The following DIAPH2 variants were observed in gnomAD, a reference collection of about 807,000 sequenced individuals.
The protein encoded by DIAPH2 is protein diaphanous homolog 2.
In DIAPH2, 35 loss-of-function variants were observed where a neutral mutation model predicts 92.7. The ratio of observed to expected loss-of-function variants is 0.38; its 90% CI spans 0.29 to 0.50. The LOEUF (loss-of-function observed/expected upper bound fraction) is 0.50. DIAPH2 is among the 20% of genes least tolerant of loss of function. DIAPH2 has a pLI of 0.94. For missense variants in DIAPH2, 701 were observed against 819.5 expected, an observed-to-expected ratio of 0.86 and a Z score of 1.77; for synonymous variants, 301 against 280.4, an observed-to-expected ratio of 1.07 and a Z score of -0.73.
At chrX:97,370,065 T>C (rs2069430764) in intron 24 of DIAPH2, among the ~76,000 whole-genome samples, 1 of 111,813 alleles carries the variant, frequency 8.9e-6, no homozygotes, top group Non-Finnish European at 1.9e-5. Flanking sequence ...GGCTTGTTTG[T>C]GATGCTTATT....
intron 23 of DIAPH2, among the ~76,000 whole-genome samples, chrX:97,291,383 A>T (rs2068589241): frequency 9.0e-6 from 1 of 111,268 alleles, no homozygotes; most frequent in South Asian, 3.9e-4. Context: ...GGGCAACAAG[A>T]GCAAAAACTC....
intron 26 of DIAPH2, among the ~76,000 whole-genome samples, chrX:97,493,448 A>G (rs1018942312): frequency 2.7e-5 from 3 of 110,148 alleles, no homozygotes; most frequent in African/African-American, 9.9e-5. Flanking sequence ...TTTAGTAGAG[A>G]CGGGGTTTCT....
At chrX:97,537,240 A>G (rs976636577) in intron 26 of DIAPH2, among the ~76,000 whole-genome samples, 2 of 111,840 alleles carry the variant, frequency 1.8e-5, no homozygotes, top group African/African-American at 6.5e-5. Flanking sequence ...CAAGTAGCCC[A>G]GTGCAACTAG....
At chrX:97,359,995 TGG>T (rs1457401186) in intron 24 of DIAPH2, among the ~76,000 whole-genome samples, 1 of 111,910 alleles carries the variant, frequency 8.9e-6, no homozygotes, top group Non-Finnish European at 1.9e-5. Context: ...CATGGGGTAT[TGG>T]GCAAACCAGA....
intron 23 of DIAPH2, among the ~76,000 whole-genome samples, chrX:97,315,892 CTG>C (rs948646992): frequency 2.9e-4 from 32 of 111,585 alleles, no homozygotes; most frequent in African/African-American, 7.8e-4. Flanking sequence ...GATTGGAAAA[CTG>C]TGAGTTCTAT....
At chrX:97,295,237 C>G (rs1287331592) in intron 23 of DIAPH2, among the ~76,000 whole-genome samples, 1 of 111,739 alleles carries the variant, frequency 8.9e-6, no homozygotes, top group Non-Finnish European at 1.9e-5. Flanking sequence ...ATCATTTTTA[C>G]CATTTGTTTA....
intron 23 of DIAPH2, among the ~76,000 whole-genome samples, chrX:97,269,311 T>G (rs149560653): frequency 0.016 from 1,758 of 111,744 alleles, 44 homozygotes; most frequent in African/African-American, 0.054. Context: ...AAAAGTGTCA[T>G]AGCTGACAGG....
At chrX:97,005,071 T>C (rs763237627) in intron 17 of DIAPH2, among the ~76,000 whole-genome samples, 1 of 112,158 alleles carries the variant, frequency 8.9e-6, no homozygotes, top group African/African-American at 3.2e-5. Flanking sequence ...AAGGCTTTTA[T>C]CCTTTATTCT....
At chrX:97,381,020 T>C (rs1164257800) in intron 24 of DIAPH2, among the ~76,000 whole-genome samples, 1 of 111,735 alleles carries the variant, frequency 8.9e-6, no homozygotes, top group East Asian at 2.8e-4. Context: ...GTTTTATCCT[T>C]TAGTAGATCT....
chrX:97,459,802 T>C (rs2070443156), intron 26 of DIAPH2, among the ~76,000 whole-genome samples: 1 of 111,742 alleles, frequency 8.9e-6, no homozygotes, highest in South Asian at 3.7e-4. Flanking sequence ...AGCATGATGG[T>C]TAAGAGCACA....
At chrX:96,835,279 C>T (rs1218325915) in intron 4 of DIAPH2, among the ~76,000 whole-genome samples, 1 of 111,804 alleles carries the variant, frequency 8.9e-6, no homozygotes, top group Non-Finnish European at 1.9e-5. Context: ...TCACATTAAT[C>T]GAATACTTAT....
At chrX:97,490,200 G>T (rs1040536944) in intron 26 of DIAPH2, among the ~76,000 whole-genome samples, 3 of 109,693 alleles carry the variant, frequency 2.7e-5, no homozygotes, top group Non-Finnish European at 5.7e-5. Flanking sequence ...ATTTGTTGGT[G>T]TATAATTCTT....
intron 1 of DIAPH2, among the ~76,000 whole-genome samples, chrX:96,692,499 C>T (rs1169321776): frequency 8.9e-6 from 1 of 111,954 alleles, no homozygotes; most frequent in Non-Finnish European, 1.9e-5. Flanking sequence ...TTCAGAGTTA[C>T]TCCACATAAA....
At chrX:96,849,260 G>A (rs1415604684) in intron 4 of DIAPH2, among the ~76,000 whole-genome samples, 1 of 111,648 alleles carries the variant, frequency 9.0e-6, no homozygotes, top group African/African-American at 3.3e-5. Context: ...CCGCCTCCCA[G>A]GTTCAGGCAA....
At chrX:97,192,161 G>A (rs370341977) in intron 22 of DIAPH2, among the ~76,000 whole-genome samples, 6 of 108,416 alleles carry the variant, frequency 5.5e-5, no homozygotes, top group South Asian at 8.2e-4. Flanking sequence ...ATGGTGGCTC[G>A]CACCTGTAGG....
At chrX:97,503,086 A>G (rs2070809688) in intron 26 of DIAPH2, among the ~76,000 whole-genome samples, 1 of 112,485 alleles carries the variant, frequency 8.9e-6, no homozygotes. Context: ...ATAAACTTCT[A>G]TAATACAAAT....
At chrX:97,426,614 C>A (rs1339617678) in intron 25 of DIAPH2, among the ~76,000 whole-genome samples, 18 of 110,778 alleles carry the variant, frequency 1.6e-4, no homozygotes, top group Non-Finnish European at 2.8e-4. Context: ...TTTTGTCTCA[C>A]CATCCTCTGA....
chrX:97,544,627 A>C (rs1429792025), intron 26 of DIAPH2, among the ~76,000 whole-genome samples: 3 of 111,715 alleles, frequency 2.7e-5, no homozygotes, highest in African/African-American at 9.8e-5. Context: ...ATTTTTACTT[A>C]CTAAAAGTCA....
intron 23 of DIAPH2, among the ~76,000 whole-genome samples, chrX:97,275,027 C>T (rs751375511): frequency 5.6e-4 from 63 of 111,988 alleles, no homozygotes; most frequent in Non-Finnish European, 1.0e-3. Flanking sequence ...AATGGAGTCT[C>T]CCATGTCCAC....
Sources: allele counts gnomAD v4.1 joint callset (sites outside exome capture counted in the v4.1 genomes callset), GRCh38; gene constraint gnomAD v4.1.1; transcripts MANE v1.5; gene names NCBI Gene and HGNC (gene_info 2026-07-23, HGNC 2026-07-21).